PPP2R5E: variants seen among roughly 807,000 people sequenced by gnomAD.
PPP2R5E encodes serine/threonine-protein phosphatase 2A 56 kDa regulatory subunit epsilon isoform.
In PPP2R5E, 4 loss-of-function variants were observed where a neutral mutation model predicts 65.3. The ratio of observed to expected loss-of-function variants is 0.06; its 90% CI spans 0.03 to 0.14. The LOEUF is 0.14. Ranked by LOEUF, PPP2R5E falls within the 10% of genes least tolerant of loss-of-function variation. The pLI is 1.00. For synonymous variants in PPP2R5E, 183 were observed against 187.4 expected (o/e 0.98, Z 0.19); for missense variants, 274 against 556.1 (o/e 0.49, Z 5.10).
chr14:63,462,078 T>C (rs2139513406), intron 2 of PPP2R5E, among the ~76,000 whole-genome samples: 1 of 151,976 alleles, frequency 6.6e-6, no homozygotes, highest in African/African-American at 2.4e-5. Flanking sequence ...ACTGTATTTT[T>C]TTTTTTTTTT....
chr14:63,411,658 TAAAAA>T (rs766263301), intron 5 of PPP2R5E, among the ~76,000 whole-genome samples: 3 of 93,104 alleles, frequency 3.2e-5, no homozygotes, highest in Non-Finnish European at 6.2e-5. Flanking sequence ...TGTGGTTGTT[TAAAAA>T]AAAAAAAAAA....
At chr14:63,480,080 A>C (rs61627079) in intron 2 of PPP2R5E, among the ~76,000 whole-genome samples, 50,050 of 152,104 alleles carry the variant, frequency 0.33, 10,981 homozygotes, top group African/African-American at 0.62. Context: ...CCAGGATCAA[A>C]AATTACCAAC....
chr14:63,529,533 T>A (rs1420288380), intron 2 of PPP2R5E, among the ~76,000 whole-genome samples: 3 of 151,746 alleles, frequency 2.0e-5, no homozygotes, highest in Admixed American at 6.6e-5. Context: ...GCTAGTTTTT[T>A]TTTGTTGTTT....
At chr14:63,404,974 A>C (rs1229942390) in intron 5 of PPP2R5E, among the ~76,000 whole-genome samples, 1 of 152,114 alleles carries the variant, frequency 6.6e-6, no homozygotes, top group Non-Finnish European at 1.5e-5. Context: ...CCTGCTCAAA[A>C]AGTATTAAGA....
intron 11 of PPP2R5E, among the ~76,000 whole-genome samples, chr14:63,389,042 C>T (rs6573513): frequency 0.28 from 43,169 of 151,888 alleles, 11,503 homozygotes; most frequent in African/African-American, 0.69. Context: ...GGAAGGTCAC[C>T]GGCTTTAGCA....
intron 2 of PPP2R5E, among the ~76,000 whole-genome samples, chr14:63,531,629 C>A (rs946859715): frequency 1.3e-4 from 20 of 151,982 alleles, no homozygotes; most frequent in African/African-American, 4.8e-4. Context: ...TCTTTCAGTT[C>A]GAAAGTAAAG....
chr14:63,530,309 T>G (rs1893367392), intron 2 of PPP2R5E, among the ~76,000 whole-genome samples: 1 of 142,580 alleles, frequency 7.0e-6, no homozygotes, highest in Non-Finnish European at 1.5e-5. Flanking sequence ...CTCAGCTCAC[T>G]GCAACCTCTG....
intron 2 of PPP2R5E, among the ~76,000 whole-genome samples, chr14:63,534,100 G>T (rs912331832): frequency 6.6e-6 from 1 of 152,176 alleles, no homozygotes; most frequent in African/African-American, 2.4e-5. Context: ...AGGCTGGGGT[G>T]AGGAGAGAAC....
At position 63,374,853 on chromosome 14, in the gene PPP2R5E, T is replaced by A. The variant is rs532580889; in HGVS notation, c.*1156A>T. On this transcript the variant is annotated 3_prime_UTR_variant, in exon 14 of 14. Transcript: ENST00000337537. Reference sequence around the variant, plus strand: ...GTAACAAATACAGTAGTTAGGAATATGCATCCAATTCAGAATGCATAATAA... The same window carrying A: ...GTAACAAATACAGTAGTTAGGAATAAGCATCCAATTCAGAATGCATAATAA... 2 of 152,338 alleles carry A rather than the reference T, an allele frequency of 1.3e-5. No homozygotes were observed. Among genetic ancestry groups the A allele is most frequent in the Admixed American group, 6.6e-5 (1 of 15,250 alleles). The allele number at this position is 152,338 out of a possible 1,614,324, so 9.4% of individuals were successfully genotyped here. A position where few individuals can be genotyped will look rare whatever the true frequency, so the allele number is the denominator to read the frequency against.
chr14:63,434,691 ACT>A (rs547642374), intron 3 of PPP2R5E, among the ~76,000 whole-genome samples: 83 of 152,012 alleles, frequency 5.5e-4, no homozygotes, highest in African/African-American at 1.9e-3. Flanking sequence ...AACCAATTTC[ACT>A]CTCATTGGAC....
rs533101155 is a variant in PPP2R5E, at chr14:63,467,460, A to G, written c.158-13575T>C. 3.3e-5 allele frequency among the ~76,000 whole-genome samples: 5 copies of G among 152,258 alleles called. No individual in the cohort carries two copies. The East Asian group carries it at 9.7e-4, about 29-fold the overall frequency. On this transcript the variant is annotated intron_variant, in intron 2 of 13. Coordinates refer to ENST00000337537, the MANE Select transcript of PPP2R5E (RefSeq NM_006246.5). The stretch of plus-strand genomic sequence containing the variant: ...AGCTAAACATGCCATGGGGTAGTAC[A>G]AACATTTTCTCTTCAGATTGTACTG...
rs556294407 is a variant in PPP2R5E, at chr14:63,431,667, T to C, written c.355-9573A>G. On this transcript the variant is annotated intron_variant, in intron 3 of 13. Coordinates refer to ENST00000337537, the MANE Select transcript of PPP2R5E (RefSeq NM_006246.5). Reference sequence around the variant, plus strand: ...AAAGCTCTATACTTTTGTGAAGACATTCACTGAACCAATGACAGGGTGCAT... The same window carrying C: ...AAAGCTCTATACTTTTGTGAAGACACTCACTGAACCAATGACAGGGTGCAT... Among the ~76,000 whole-genome samples the C allele has an allele frequency of 7.2e-5, 11 of 152,316 alleles. No individual in the cohort carries two copies. In the South Asian group the frequency reaches 1.9e-3, roughly 26 times the overall value.
At chr14:63,486,750 C>T (rs1891019882) in intron 2 of PPP2R5E, among the ~76,000 whole-genome samples, 1 of 152,112 alleles carries the variant, frequency 6.6e-6, no homozygotes, top group South Asian at 2.1e-4. Flanking sequence ...ATGTCTAACC[C>T]CTGGTCTGTT....
chr14:63,482,797 T>C (rs564264455), intron 2 of PPP2R5E, among the ~76,000 whole-genome samples: 1 of 152,248 alleles, frequency 6.6e-6, no homozygotes, highest in Admixed American at 6.5e-5. Flanking sequence ...GAATAACCTG[T>C]TCATCATCAG....
intron 2 of PPP2R5E, among the ~76,000 whole-genome samples, chr14:63,486,859 T>C (rs1468736420): frequency 2.0e-5 from 3 of 152,224 alleles, no homozygotes; most frequent in Admixed American, 2.0e-4. Flanking sequence ...CCTGGCTGAT[T>C]CCCTGAACCT....
intron 2 of PPP2R5E, among the ~76,000 whole-genome samples, chr14:63,475,907 A>C (rs1890390799): frequency 6.6e-6 from 1 of 152,222 alleles, no homozygotes; most frequent in Non-Finnish European, 1.5e-5. Flanking sequence ...AAACATTCAA[A>C]GGGAAGTTTA....
intron 10 of PPP2R5E, among the ~76,000 whole-genome samples, chr14:63,390,093 AC>A (rs1183581789): frequency 6.6e-6 from 1 of 152,062 alleles, no homozygotes; most frequent in Non-Finnish European, 1.5e-5. Flanking sequence ...TTTAAAAAAA[AC>A]AATGAGAAGG....
At chr14:63,532,361 T>C (rs1771492913) in intron 2 of PPP2R5E, among the ~76,000 whole-genome samples, 3 of 152,166 alleles carry the variant, frequency 2.0e-5, no homozygotes, top group Admixed American at 2.0e-4. Context: ...TTACACTAAA[T>C]AACATGGCAA....
At chr14:63,389,260 T>C (rs1439656773) in intron 11 of PPP2R5E, among the ~76,000 whole-genome samples, 1 of 152,164 alleles carries the variant, frequency 6.6e-6, no homozygotes, top group Non-Finnish European at 1.5e-5. Context: ...TTATTTAGCA[T>C]TCTCTCTTAC....
Sources: gnomAD v4.1 joint callset for allele counts (sites outside exome capture counted in the v4.1 genomes callset) on GRCh38, gnomAD v4.1.1 for gene constraint, MANE v1.5 for transcripts, NCBI Gene and HGNC (gene_info 2026-07-23, HGNC 2026-07-21) for gene names.